The following MYO16 variants were observed in gnomAD, a reference collection of about 807,000 sequenced individuals.
MYO16 encodes myosin XVI.
In MYO16, 94 loss-of-function variants were observed where a neutral mutation model predicts 205.3. The ratio of observed to expected loss-of-function variants is 0.46; its 90% CI spans 0.39 to 0.54. MYO16 has a LOEUF of 0.54. MYO16 is among the 20% of genes least tolerant of loss of function. MYO16 has a pLI of 0.00. For missense variants in MYO16, 2,315 were observed against 2,387.5 expected (o/e 0.97, Z 0.63); for synonymous variants, 988 against 954.0 (o/e 1.04, Z -0.66).
intron 1 of MYO16, among the ~76,000 whole-genome samples, chr13:108,609,156 A>G (rs576570095): frequency 1.2e-4 from 19 of 152,234 alleles, no homozygotes; most frequent in African/African-American, 4.6e-4. Flanking sequence ...GAAACGATGG[A>G]GTCCCTGGAA....
chr13:109,055,266 CA>C lies in MYO16; in HGVS notation c.3130-123del, dbSNP rs2139612097. The C allele has an allele frequency of 1.0e-6, 1 of 957,520 alleles. No homozygotes were observed. The highest frequency in any genetic ancestry group is 1.7e-5 in the African/African-American group (1 of 60,196). The allele number at this position is 957,520 out of a possible 1,614,324, so 59.3% of individuals were successfully genotyped here. A position where few individuals can be genotyped will look rare whatever the true frequency, so the allele number is the denominator to read the frequency against. ...AAACATACACACACACACACACACA[CA>C]CACACACAGAGTAAATGCATAATGA... is the stretch of plus-strand genomic sequence containing the variant. On this transcript the variant is annotated intron_variant, in intron 26 of 34. Coordinates refer to ENST00000457511, the MANE Select transcript of MYO16 (RefSeq NM_001198950.3). This position sits in a 1 kb window ranked among gnomAD's most constrained non-coding sequence, Gnocchi z 5.0.
At chr13:108,961,117 A>G (rs1433188333) in intron 17 of MYO16, among the ~76,000 whole-genome samples, 2 of 152,170 alleles carry the variant, frequency 1.3e-5, no homozygotes, top group African/African-American at 2.4e-5. Context: ...TCTTGAATGA[A>G]GCGGCCACAG....
chr13:108,758,521 A>G (rs1885495316), intron 4 of MYO16, among the ~76,000 whole-genome samples: 1 of 152,182 alleles, frequency 6.6e-6, no homozygotes, highest in African/African-American at 2.4e-5. Context: ...AGAGAAAAGG[A>G]GCAAGTCATT....
At chr13:108,535,061 CT>C in the MYO16 span, among the ~76,000 whole-genome samples, 3 of 147,988 alleles carry the variant, frequency 2.0e-5, no homozygotes, top group African/African-American at 7.7e-5. Flanking sequence ...TCCTCTTGTT[CT>C]TCTTCCTCTT....
chr13:108,756,010 A>T (rs1186418249), intron 4 of MYO16, among the ~76,000 whole-genome samples: 1 of 152,196 alleles, frequency 6.6e-6, no homozygotes, highest in Non-Finnish European at 1.5e-5. Flanking sequence ...AGTCCTTTAC[A>T]AGGAAAATTG....
rs537247255 is a variant in MYO16 at position 109,062,805 on chromosome 13, TA to T, written c.3335+7216del. ...CCTCCAGGCAATGGAAACATCATTATAAAAAACAAAGCCTTGAGGTGTAATT... is the reference window on the plus strand; with the variant it reads ...CCTCCAGGCAATGGAAACATCATTATAAAAACAAAGCCTTGAGGTGTAATT... On this transcript the variant is annotated intron_variant, in intron 27 of 34. Transcript: ENST00000457511. Among the ~76,000 whole-genome samples the T allele has an allele frequency of 6.3e-3, 965 of 152,232 alleles. 10 individuals carry two copies. Among genetic ancestry groups the T allele is most frequent in the African/African-American group, 0.022 (904 of 41,550 alleles).
intron 34 of MYO16, among the ~76,000 whole-genome samples, chr13:109,198,987 A>G (rs1880277181): frequency 6.6e-6 from 1 of 152,000 alleles, no homozygotes; most frequent in Non-Finnish European, 1.5e-5. Context: ...ATCATAGAAA[A>G]TGAAGTTTAA....
intron 20 of MYO16, among the ~76,000 whole-genome samples, chr13:108,982,864 A>G (rs1884492242): frequency 6.6e-6 from 1 of 152,174 alleles, no homozygotes; most frequent in South Asian, 2.1e-4. Flanking sequence ...ACACTCAAAT[A>G]TCCTATGCTC....
intron 22 of MYO16, among the ~76,000 whole-genome samples, chr13:109,010,625 A>T (rs545121339): frequency 6.6e-6 from 1 of 152,202 alleles, no homozygotes; most frequent in Non-Finnish European, 1.5e-5. Context: ...GAGGTCTGTC[A>T]CTGCCCTTGA....
chr13:109,161,479 G>T (rs1195219256), intron 32 of MYO16, among the ~76,000 whole-genome samples: 1 of 152,144 alleles, frequency 6.6e-6, no homozygotes, highest in African/African-American at 2.4e-5. Flanking sequence ...GAAAATAGGT[G>T]TAATAGTGAC....
chr13:108,946,280 A>AT (rs1882936998), intron 16 of MYO16, among the ~76,000 whole-genome samples: 1 of 151,244 alleles, frequency 6.6e-6, no homozygotes, highest in Admixed American at 6.6e-5. Context: ...GTTTCTTTTG[A>AT]TTTTGGCAAA....
chr13:108,665,799 G>A, intron 1 of MYO16, 87 bp from the exon 2 acceptor site: 1 of 1,379,330 alleles, frequency 7.2e-7, no homozygotes, highest in Non-Finnish European at 9.7e-7. Context: ...CTGTGCAATG[G>A]ACAATATAAA....
At position 108,781,930 on chromosome 13, in the gene MYO16, C is replaced by T. The variant is rs1160324485; in HGVS notation, c.508-3705C>T. On this transcript the variant is annotated intron_variant, in intron 4 of 34. Transcript: ENST00000457511. Reference sequence around the variant, plus strand: ...GCCATGATTCTGACGCCTCCCCAGCCATGTGGAACTGTAAGTCCAATTAAA... The same window carrying T: ...GCCATGATTCTGACGCCTCCCCAGCTATGTGGAACTGTAAGTCCAATTAAA... 2.6e-5 allele frequency among the ~76,000 whole-genome samples: 4 copies of T among 152,290 alleles called. No individual in the cohort carries two copies. The South Asian group carries it at 6.2e-4, about 24-fold the overall frequency.
chr13:108,554,848 T>TA, the MYO16 span, among the ~76,000 whole-genome samples: 11,362 of 77,970 alleles, frequency 0.15, 1,040 homozygotes, highest in Non-Finnish European at 0.22. Context: ...AGACTCTGAC[T>TA]AAAAAAAAAA....
chr13:108,904,171 T>C (rs78553789), intron 15 of MYO16, among the ~76,000 whole-genome samples: 3,902 of 152,274 alleles, frequency 0.026, 233 homozygotes, highest in East Asian at 0.17. Context: ...GTAAGGACTT[T>C]CTTGTTTGGG....
chr13:109,053,722 C>T (rs1383921655), intron 25 of MYO16, among the ~76,000 whole-genome samples: 1 of 152,050 alleles, frequency 6.6e-6, no homozygotes, highest in Non-Finnish European at 1.5e-5. Flanking sequence ...TATGATTATT[C>T]CTTAAATGTT....
intron 21 of MYO16, among the ~76,000 whole-genome samples, chr13:108,997,982 T>A (rs986212988): frequency 6.6e-6 from 1 of 152,238 alleles, no homozygotes; most frequent in African/African-American, 2.4e-5. Flanking sequence ...ACTGGACACT[T>A]CAGATGACCT....
chr13:109,095,345 G>A (rs888383999), intron 27 of MYO16, among the ~76,000 whole-genome samples: 2 of 152,204 alleles, frequency 1.3e-5, no homozygotes, highest in African/African-American at 2.4e-5. Flanking sequence ...CCGGACTCAC[G>A]TCCTGCTCCA....
intron 28 of MYO16, among the ~76,000 whole-genome samples, chr13:109,108,432 A>G (rs909861327): frequency 1.3e-5 from 2 of 152,226 alleles, no homozygotes; most frequent in Admixed American, 6.5e-5. Flanking sequence ...TTAGAGTACT[A>G]TCTGGCACCT....
Sources: allele counts gnomAD v4.1 joint callset (sites outside exome capture counted in the v4.1 genomes callset), GRCh38; gene constraint gnomAD v4.1.1; non-coding constraint Gnocchi (gnomAD v3.1); transcripts MANE v1.5; gene names NCBI Gene and HGNC (gene_info 2026-07-23, HGNC 2026-07-21).